The following SPATA13 variants were observed in gnomAD, a reference collection of about 807,000 sequenced individuals.
SPATA13 encodes spermatogenesis-associated protein 13.
A neutral mutation model predicts 104.0 loss-of-function variants in SPATA13; 50 were observed. The ratio of observed to expected loss-of-function variants is 0.48; its 90% CI spans 0.38 to 0.61. The LOEUF (loss-of-function observed/expected upper bound fraction) is 0.61. SPATA13 is among the 20% of genes least tolerant of loss of function. SPATA13 has a pLI of 0.00. For missense variants in SPATA13, 1,524 were observed against 1,690.6 expected (o/e 0.90, Z 1.73); for synonymous variants, 606 against 667.5 (o/e 0.91, Z 1.42).
chr13:24,127,284 C>T (rs886545282), intron 3 of SPATA13, among the ~76,000 whole-genome samples: 3 of 152,176 alleles, frequency 2.0e-5, no homozygotes, highest in South Asian at 4.1e-4. Context: ...AGGGCATTGC[C>T]AGAACCTGCC....
intron 3 of SPATA13, among the ~76,000 whole-genome samples, chr13:24,104,439 C>A (rs1347886887): frequency 1.3e-5 from 2 of 152,202 alleles, no homozygotes; most frequent in African/African-American, 2.4e-5. Context: ...CCTTAAAACA[C>A]TTTCCCTTAA....
intron 3 of SPATA13, among the ~76,000 whole-genome samples, chr13:24,073,850 G>C (rs1227611115): frequency 1.3e-5 from 2 of 152,226 alleles, no homozygotes; most frequent in African/African-American, 4.8e-5. Context: ...ATTCAGGAAG[G>C]CTGTGAACTG....
At chr13:24,277,143 GT>G (rs1478613928) in intron 4 of SPATA13, among the ~76,000 whole-genome samples, 2 of 152,160 alleles carry the variant, frequency 1.3e-5, no homozygotes, top group African/African-American at 4.8e-5. Context: ...TAAAACCACT[GT>G]TTTAAGAAGT....
chr13:24,145,235 T>C (rs1177527292), intron 3 of SPATA13, among the ~76,000 whole-genome samples: 1 of 152,186 alleles, frequency 6.6e-6, no homozygotes, highest in East Asian at 1.9e-4. Flanking sequence ...GAATCTGATT[T>C]TTTACAACAG....
Position 24,286,373 on chromosome 13 carries a change from T to G in SPATA13, c.2461T>G (p.Phe821Val), listed in dbSNP as rs200244378. The G allele has an allele frequency of 2.5e-6, 4 of 1,612,472 alleles. No individual in the cohort carries two copies. The Admixed American group carries it at 6.7e-5, about 27-fold the overall frequency. Residue 821 changes from phenylalanine to valine, a missense_variant, in exon 6 of 13, where the codon TTC becomes GTC. This residue lies in a region of SPATA13 where 1,089 missense variants were observed against 1,135.9 expected (regional missense o/e 0.96). Coordinates refer to ENST00000382108, the MANE Select transcript of SPATA13 (RefSeq NM_001166271.3). This position sits in a 1 kb window ranked among gnomAD's most constrained non-coding sequence, Gnocchi z 4.9. ...WGRSEDKEAW[F>V]PASFVRLRVN... ...CCGCAGTGAAGATAAGGAAGCCTGGTTCCCCGCGAGCTTCGTCAGAGTAAG... is the reference window on the plus strand; with the variant it reads ...CCGCAGTGAAGATAAGGAAGCCTGGGTCCCCGCGAGCTTCGTCAGAGTAAG...
chr13:24,127,887 G>A (rs1024027816), intron 3 of SPATA13, among the ~76,000 whole-genome samples: 1 of 152,164 alleles, frequency 6.6e-6, no homozygotes, highest in African/African-American at 2.4e-5. Context: ...TCTTCCTACC[G>A]AATTGAGTTT....
At chr13:24,120,082 T>A (rs1246631545) in intron 3 of SPATA13, among the ~76,000 whole-genome samples, 1 of 152,160 alleles carries the variant, frequency 6.6e-6, no homozygotes. Context: ...TTGGGGCAGA[T>A]GGATCAGGTG....
chr13:24,281,097 G>T (rs1303962465), intron 4 of SPATA13, among the ~76,000 whole-genome samples: 1 of 152,096 alleles, frequency 6.6e-6, no homozygotes, highest in African/African-American at 2.4e-5. Context: ...CTCCTGAGGC[G>T]CCAGGCCCTG....
intron 3 of SPATA13, among the ~76,000 whole-genome samples, chr13:24,137,355 G>C (rs1179732782): frequency 6.6e-6 from 1 of 152,208 alleles, no homozygotes; most frequent in Admixed American, 6.5e-5. Flanking sequence ...AGTCCAGAAA[G>C]GGGCAGTCTC....
chr13:24,082,842 A>AC (rs1879582623), intron 3 of SPATA13, among the ~76,000 whole-genome samples: 1 of 150,706 alleles, frequency 6.6e-6, no homozygotes, highest in Non-Finnish European at 1.5e-5. Flanking sequence ...AAAAAAAAAA[A>AC]AAAAAAAAAA....
intron 3 of SPATA13, among the ~76,000 whole-genome samples, chr13:24,026,551 C>G (rs1877223749): frequency 6.6e-6 from 1 of 152,110 alleles, no homozygotes; most frequent in African/African-American, 2.4e-5. Context: ...GAATTGGATA[C>G]AAACTGCTGT....
At chr13:24,192,939 C>A (rs1022730368) in intron 1 of SPATA13, among the ~76,000 whole-genome samples, 38 of 152,180 alleles carry the variant, frequency 2.5e-4, no homozygotes, top group African/African-American at 8.4e-4. Context: ...GGATTCTTTC[C>A]TCCCCCTGCT....
At chr13:24,207,194 A>C (rs1870750664) in intron 1 of SPATA13, among the ~76,000 whole-genome samples, 1 of 152,170 alleles carries the variant, frequency 6.6e-6, no homozygotes, top group Non-Finnish European at 1.5e-5. Flanking sequence ...ATGGTGGGGA[A>C]CAACACACGG....
At position 24,223,487 on chromosome 13, in the gene SPATA13, C is replaced by T. The variant is rs1871727200; in HGVS notation, c.558C>T (p.Leu186=). The change falls in exon 2 of 13, where the codon CTC becomes CTT. Residue 186 remains leucine, a synonymous_variant. Coordinates refer to ENST00000382108, the MANE Select transcript of SPATA13 (RefSeq NM_001166271.3). ...GGGGCACATTGGATGGCTCCGACCT[C>T]GAGGACACGGACGATGCCTTCCAGC... The part of the protein sequence containing the change: ...AEWGTLDGSD[L]EDTDDAFQRS... 5 of 1,548,968 alleles carry T rather than the reference C, an allele frequency of 3.2e-6. No homozygotes were observed. Among genetic ancestry groups the T allele is most frequent in the Non-Finnish European group, 3.5e-6 (4 of 1,146,996 alleles).
intron 3 of SPATA13, among the ~76,000 whole-genome samples, chr13:24,056,934 G>A (rs1878572342): frequency 6.7e-6 from 1 of 148,822 alleles, no homozygotes; most frequent in Admixed American, 6.7e-5. Context: ...AATGAATGGA[G>A]ATTTATTAGG....
intron 8 of SPATA13, among the ~76,000 whole-genome samples, chr13:24,289,458 G>T (rs1335309994): frequency 6.6e-6 from 1 of 152,088 alleles, no homozygotes; most frequent in Non-Finnish European, 1.5e-5. Context: ...AATTTCTAAG[G>T]GTTATGCCAT....
intron 1 of SPATA13, among the ~76,000 whole-genome samples, chr13:24,207,145 C>T (rs926831685): frequency 8.5e-5 from 13 of 152,160 alleles, no homozygotes; most frequent in African/African-American, 2.9e-4. Context: ...CATGTTCTCA[C>T]TTGTAAGTGG....
intron 2 of SPATA13, among the ~76,000 whole-genome samples, chr13:24,232,620 C>T (rs7320910): frequency 0.055 from 8,413 of 152,278 alleles, 803 homozygotes; most frequent in African/African-American, 0.19. Flanking sequence ...CAGCTTACTG[C>T]AGCCTCAACC....
At chr13:24,096,871 A>T (rs1295649531) in intron 3 of SPATA13, among the ~76,000 whole-genome samples, 1 of 152,166 alleles carries the variant, frequency 6.6e-6, no homozygotes. Context: ...GGCCACACAG[A>T]GGACTGTGAC....
Sources: gnomAD v4.1 joint callset for allele counts (sites outside exome capture counted in the v4.1 genomes callset) on GRCh38, gnomAD v4.1.1 for gene constraint, gnomAD v4.1.1 regional missense constraint, Gnocchi (gnomAD v3.1) non-coding constraint, MANE v1.5 for transcripts, NCBI Gene and HGNC (gene_info 2026-07-23, HGNC 2026-07-21) for gene names.